PDE4D: variants seen among roughly 807,000 people sequenced by gnomAD.
PDE4D encodes 3',5'-cyclic-AMP phosphodiesterase 4D.
In PDE4D, 24 loss-of-function variants were observed where a neutral mutation model predicts 87.4. That is an observed-to-expected ratio of 0.27 (90% CI 0.20 to 0.39). PDE4D has a LOEUF of 0.39. Among genes scored for constraint, PDE4D ranks in the 10% least tolerant of loss-of-function variants. The pLI, the probability that PDE4D is intolerant of heterozygous loss-of-function variation, is 1.00. For missense variants in PDE4D, 714 were observed against 1,041.0 expected (o/e 0.69, Z 4.32); for synonymous variants, 384 against 383.2 (o/e 1.00, Z -0.02).
chr5:59,494,864 A>G (rs1054691205), intron 1 of PDE4D, among the ~76,000 whole-genome samples: 1 of 152,170 alleles, frequency 6.6e-6, no homozygotes, highest in African/African-American at 2.4e-5. Context: ...CTTATTCCTC[A>G]CTTGGAGTGT....
chr5:59,542,921 G>A (rs972487955), intron 1 of PDE4D, among the ~76,000 whole-genome samples: 12 of 152,194 alleles, frequency 7.9e-5, no homozygotes, highest in African/African-American at 1.7e-4. Flanking sequence ...GAAACAAGCC[G>A]CCTCCAAAAC....
At chr5:59,101,287 G>A (rs1770693053) in intron 5 of PDE4D, among the ~76,000 whole-genome samples, 1 of 152,062 alleles carries the variant, frequency 6.6e-6, no homozygotes, top group Admixed American at 6.5e-5. Flanking sequence ...TTCTAATTGT[G>A]GGACAAAGTG....
chr5:59,403,967 T>C (rs747473959), intron 1 of PDE4D, among the ~76,000 whole-genome samples: 6 of 152,230 alleles, frequency 3.9e-5, no homozygotes, highest in Non-Finnish European at 7.3e-5. Flanking sequence ...CAGCATTTGT[T>C]ACTGCCTGTC....
chr5:59,356,312 G>C (rs1447720704), intron 1 of PDE4D, among the ~76,000 whole-genome samples: 1 of 152,102 alleles, frequency 6.6e-6, no homozygotes, highest in Admixed American at 6.5e-5. Context: ...ATTCTGCTGG[G>C]CAAGATGAAC....
At chr5:59,083,243 T>C (rs1380588256) in intron 5 of PDE4D, among the ~76,000 whole-genome samples, 2 of 146,660 alleles carry the variant, frequency 1.4e-5, no homozygotes, top group Non-Finnish European at 2.9e-5. Context: ...GAAAGATCCT[T>C]TTTTTTTGTT....
chr5:59,154,125 G>C (rs1270255927), intron 5 of PDE4D, among the ~76,000 whole-genome samples: 1 of 152,162 alleles, frequency 6.6e-6, no homozygotes, highest in South Asian at 2.1e-4. Context: ...TTTTATCATG[G>C]ATGATGGGAA....
intron 1 of PDE4D, among the ~76,000 whole-genome samples, chr5:59,240,467 T>C (rs1757407333): frequency 6.6e-6 from 1 of 152,184 alleles, no homozygotes. Context: ...TCAGCCTTCA[T>C]AGTTCTTCAG....
chr5:60,241,738 T>C (rs943834391), intron 1 of PDE4D, among the ~76,000 whole-genome samples: 2 of 151,988 alleles, frequency 1.3e-5, no homozygotes, highest in Non-Finnish European at 2.9e-5. Context: ...GGTAGAAAGT[T>C]TATTCAAAGG....
At chr5:60,026,009 T>C (rs2152855914) in intron 2 of PDE4D, among the ~76,000 whole-genome samples, 1 of 152,280 alleles carries the variant, frequency 6.6e-6, no homozygotes, top group African/African-American at 2.4e-5. Context: ...ACACTCTCAT[T>C]CAACTATTAA....
At chr5:59,870,000 T>C (rs915296430) in intron 1 of PDE4D, among the ~76,000 whole-genome samples, 7 of 152,190 alleles carry the variant, frequency 4.6e-5, no homozygotes, top group South Asian at 2.1e-4. Flanking sequence ...ATAAAATTTG[T>C]TATAAGAAAG....
intron 1 of PDE4D, chr5:59,768,291 G>A (rs1373785607): frequency 1.9e-6 from 3 of 1,598,180 alleles, no homozygotes; most frequent in South Asian, 1.1e-5. Flanking sequence ...GGATGTTGCT[G>A]CTGAGAAGCA....
chr5:59,252,364 A>G (rs967949014), intron 1 of PDE4D, among the ~76,000 whole-genome samples: 1 of 152,126 alleles, frequency 6.6e-6, no homozygotes, highest in African/African-American at 2.4e-5. Flanking sequence ...CCGGAAGTCT[A>G]GGTTGGAGCA....
chr5:58,988,838 ATAT>A (rs2153336643), intron 10 of PDE4D, among the ~76,000 whole-genome samples: 1 of 152,300 alleles, frequency 6.6e-6, no homozygotes, highest in African/African-American at 2.4e-5. Context: ...ATTTTTTAAA[ATAT>A]TATTTTAAAA....
At chr5:60,382,443 C>T (rs1201381060) in intron 1 of PDE4D, among the ~76,000 whole-genome samples, 3 of 152,158 alleles carry the variant, frequency 2.0e-5, no homozygotes, top group Non-Finnish European at 4.4e-5. Flanking sequence ...GCAAACAGAG[C>T]TAGACACCAA....
At chr5:60,042,999 G>A (rs891622079) in intron 2 of PDE4D, among the ~76,000 whole-genome samples, 2 of 151,732 alleles carry the variant, frequency 1.3e-5, no homozygotes, top group South Asian at 2.1e-4. Context: ...AAATGGCTCC[G>A]AGCTAAAGAA....
intron 1 of PDE4D, among the ~76,000 whole-genome samples, chr5:59,295,933 G>A (rs1768996545): frequency 6.6e-6 from 1 of 152,046 alleles, no homozygotes; most frequent in South Asian, 2.1e-4. Flanking sequence ...TCATGGGGGT[G>A]GGAAATATTG....
chr5:59,707,676 C>G (rs1351566938), intron 1 of PDE4D, among the ~76,000 whole-genome samples: 1 of 152,068 alleles, frequency 6.6e-6, no homozygotes, highest in Non-Finnish European at 1.5e-5. Flanking sequence ...AAACCCCACT[C>G]CCTGACAGGC....
intron 5 of PDE4D, among the ~76,000 whole-genome samples, chr5:59,146,110 G>C (rs1049385403): frequency 2.6e-5 from 4 of 152,158 alleles, no homozygotes; most frequent in African/African-American, 7.2e-5. Flanking sequence ...CTGGGTGACA[G>C]AGCAAGATTC....
At chr5:60,374,553 T>C (rs1561181358) in intron 1 of PDE4D, among the ~76,000 whole-genome samples, 1 of 152,216 alleles carries the variant, frequency 6.6e-6, no homozygotes, top group East Asian at 1.9e-4. Flanking sequence ...CCATGTTCTG[T>C]TCTCTATTCA....
Sources: gnomAD v4.1 joint callset for allele counts (sites outside exome capture counted in the v4.1 genomes callset) on GRCh38, gnomAD v4.1.1 for gene constraint, MANE v1.5 for transcripts, NCBI Gene and HGNC (gene_info 2026-07-23, HGNC 2026-07-21) for gene names.